PRRC2A: variants seen among roughly 807,000 people sequenced by gnomAD.
PRRC2A encodes the protein protein PRRC2A.
PRRC2A carries 59 observed loss-of-function variants against 224.6 expected under a neutral mutation model. That is an observed-to-expected ratio of 0.26 (90% CI 0.21 to 0.33). PRRC2A has a LOEUF of 0.33. Among genes scored for constraint, PRRC2A ranks in the 10% least tolerant of loss-of-function variants. The pLI is 1.00. For missense variants in PRRC2A, 3,095 were observed against 2,880.7 expected, an observed-to-expected ratio of 1.07 and a Z score of -1.70; for synonymous variants, 1,194 against 1,109.5, an observed-to-expected ratio of 1.08 and a Z score of -1.51.
In PRRC2A at chr6:31,631,700, T is replaced by G; in HGVS notation, c.3027T>G (p.Leu1009=). The change falls in exon 16 of 31, where the codon CTT becomes CTG. Residue 1009 remains leucine (L), a synonymous_variant. Coordinates refer to ENST00000376033, the MANE Select transcript of PRRC2A (RefSeq NM_004638.4). This position sits in a 1 kb window ranked among gnomAD's most constrained non-coding sequence, Gnocchi z 4.5. The part of the protein sequence containing the change: ...PNGNLSPAPR[L]RRDYSYERVG... ...GAAATCTTTCCCCTGCCCCAAGGCT[T>G]CGGAGGGACTATTCGTATGAAAGAG... 2 of 1,516,360 alleles carry G rather than the reference T, an allele frequency of 1.3e-6. No homozygotes were observed. Among genetic ancestry groups the G allele is most frequent in the African/African-American group, 1.4e-5 (1 of 71,706 alleles). 93.9% of individuals were successfully genotyped at this position (1,516,360 alleles called of 1,614,324 possible).
In PRRC2A at chr6:31,635,384, G is replaced by A; in HGVS notation, c.5302-10G>A. The A allele has an allele frequency of 1.2e-6, 2 of 1,614,232 alleles. No homozygotes were observed. Among genetic ancestry groups the A allele is most frequent in the Non-Finnish European group, 1.7e-6 (2 of 1,180,034 alleles). On this transcript the variant is annotated splice_polypyrimidine_tract_variant and intron_variant, in intron 22 of 30. Transcript: ENST00000376033. ...ACGGGACAATGTCTCCTGCCTTCTTGTGATCACAGGACTCAGACTTACGCC... is the reference window on the plus strand; with the variant it reads ...ACGGGACAATGTCTCCTGCCTTCTTATGATCACAGGACTCAGACTTACGCC...
At chr6:31,624,096 G>A (rs1775616805) in intron 3 of PRRC2A, among the ~76,000 whole-genome samples, 165 bp from the exon 4 acceptor site, 1 of 152,170 alleles carries the variant, frequency 6.6e-6, no homozygotes, top group Admixed American at 6.5e-5. Context: ...CTTGGAGAGA[G>A]AGCATGAAAA....
chr6:31,624,213 C>T, intron 3 of PRRC2A, 48 bp from the exon 4 acceptor site: 1 of 1,552,038 alleles, frequency 6.4e-7, no homozygotes, highest in Non-Finnish European at 8.9e-7. Flanking sequence ...TTGGAGAAGT[C>T]AGGGAGGCAT....
rs935581932 is a variant in PRRC2A at position 31,629,902 on chromosome 6, G to A, written c.2254+57G>A. 18 of 1,597,474 alleles carry A rather than the reference G, an allele frequency of 1.1e-5. No homozygotes were observed. In the Admixed American group the frequency reaches 3.2e-4, roughly 28 times the overall value. On this transcript the variant is annotated intron_variant, in intron 14 of 30. Coordinates refer to ENST00000376033, the MANE Select transcript of PRRC2A (RefSeq NM_004638.4). ...AAAGTCCCCTCAGTCTTAGGCATTG[G>A]ATATTAGGGTCTTACTGTGACTCTG...
At chr6:31,629,364 C>G in intron 13 of PRRC2A, 30 bp downstream of exon 13, 1 of 1,533,968 alleles carries the variant, frequency 6.5e-7, no homozygotes, top group Non-Finnish European at 8.8e-7. Flanking sequence ...CCTCTAAGGG[C>G]TGCTTTTCTT....
Position 31,634,572 on chromosome 6 carries a change from G to A in PRRC2A, c.4935+15G>A. 1.9e-6 allele frequency: 3 copies of A among 1,608,836 alleles called. No homozygotes were observed. The highest frequency in any genetic ancestry group is 2.5e-6 in the Non-Finnish European group (3 of 1,178,086). ...CTGGCACAGAAGTGAGTGAGGGTGG[G>A]AGGGTGTGTCTGAGCTGGGACTTTT... On this transcript the variant is annotated intron_variant, in intron 20 of 30. Transcript: ENST00000376033.
intron 14 of PRRC2A, 31 bp downstream of exon 14, chr6:31,629,876 G>GA (rs533692117): frequency 6.2e-7 from 1 of 1,610,416 alleles, no homozygotes; most frequent in South Asian, 1.1e-5. Context: ...TGAGAAACAG[G>GA]AAAGTCCCCT....
rs1776941216 is a variant in PRRC2A, at chr6:31,633,580, T to A, written c.4521T>A (p.Pro1507=). The A allele has an allele frequency of 6.2e-7, 1 of 1,612,834 alleles. No homozygotes were observed. Among genetic ancestry groups the A allele is most frequent in the Non-Finnish European group, 8.5e-7 (1 of 1,179,934 alleles). Residue 1507 remains proline (P), a synonymous_variant, in exon 17 of 31, where the codon CCT becomes CCA. Transcript: ENST00000376033. Reference sequence around the variant, plus strand: ...ACAAGCCTGGGCTTCCCCAAGCCCCTCAGGGCCCCTCTCCTAGGCCCCCAA... The same window carrying A: ...ACAAGCCTGGGCTTCCCCAAGCCCCACAGGGCCCCTCTCCTAGGCCCCCAA... The part of the protein sequence containing the change: ...PRHKPGLPQA[P]QGPSPRPPTR...
Position 31,636,261 on chromosome 6 carries a change from T to C in PRRC2A, c.5677T>C (p.Ser1893Pro), listed in dbSNP as rs913985272. Residue 1893 changes from serine (S) to proline (P), a missense_variant, in exon 26 of 31, where the codon TCT becomes CCT. Physicochemically the swap from Ser to Pro is moderately conservative, Grantham distance 74. This residue lies in a region of PRRC2A where 662 missense variants were observed against 609.5 expected (regional missense o/e 1.09). Transcript: ENST00000376033. The surrounding 1 kb of genome is among the most constrained non-coding windows in gnomAD (Gnocchi z 4.3). ...CCCAGCCCCTCCCTCAGCACTGCTC[T>C]CTGGGTTAGCTCTCAAGGGCCAGTT... ...PGPAPPSALL[S>P]GLALKGQFLD... The C allele has an allele frequency of 2.5e-6, 4 of 1,612,832 alleles. No individual in the cohort carries two copies. The Admixed American group carries it at 5.0e-5, about 20-fold the overall frequency.
chr6:31,635,340 T>C (rs951012761), intron 22 of PRRC2A, 54 bp from the exon 23 acceptor site: 2 of 1,613,762 alleles, frequency 1.2e-6, no homozygotes, highest in African/African-American at 2.7e-5. Context: ...AGGTGGGACA[T>C]AGAGGACACA....
rs1777358862 is a variant in PRRC2A, at chr6:31,636,458, T to G, written c.5835+39T>G. 1 of 1,610,474 alleles carries G rather than the reference T, an allele frequency of 6.2e-7. No individual in the cohort carries two copies. On this transcript the variant is annotated intron_variant, in intron 26 of 30. Coordinates refer to ENST00000376033, the MANE Select transcript of PRRC2A (RefSeq NM_004638.4). The surrounding 1 kb of genome is among the most constrained non-coding windows in gnomAD (Gnocchi z 4.3). ...AGGTATTAGATATTGGGGGATAGGGTAGGGAGAATGATTTTGTGGGGGTTG... is the reference window on the plus strand; with the variant it reads ...AGGTATTAGATATTGGGGGATAGGGGAGGGAGAATGATTTTGTGGGGGTTG...
chr6:31,627,675 C>A lies in PRRC2A; in HGVS notation c.1291-90C>A. ...CCAAAGCCTGGGTCGTTGCATCCTG[C>A]AAGTAGCGACAGTTGATTTGTTGTA... is the stretch of plus-strand genomic sequence containing the variant. On this transcript the variant is annotated intron_variant, in intron 11 of 30. Transcript: ENST00000376033. This position sits in a 1 kb window ranked among gnomAD's most constrained non-coding sequence, Gnocchi z 5.6. 6.7e-7 allele frequency: 1 copy of A among 1,489,308 alleles called. No homozygotes were observed. Among genetic ancestry groups the A allele is most frequent in the Non-Finnish European group, 9.0e-7 (1 of 1,110,184 alleles). The allele number at this position is 1,489,308 out of a possible 1,614,324, so 92.3% of individuals were successfully genotyped here.
At position 31,637,307 on chromosome 6, in the gene PRRC2A, G is replaced by A. The variant is rs115227324; in HGVS notation, c.6316G>A (p.Val2106Ile). Residue 2106 changes from valine to isoleucine, a missense_variant, in exon 30 of 31, where the codon GTC becomes ATC. Around this residue, in one of 8 missense-constraint regions of PRRC2A, gnomAD observed 662 missense variants for 609.5 expected, o/e 1.09. Transcript: ENST00000376033. Reference sequence around the variant, plus strand: ...CAGTGGAGTCTTCCGCACCCAGCGCGTCGACCTTTACCAGCAGGTGAAGGA... The same window carrying A: ...CAGTGGAGTCTTCCGCACCCAGCGCATCGACCTTTACCAGCAGGTGAAGGA... ...TYSGVFRTQR[V>I]DLYQQASPPD... The A allele has an allele frequency of 4.0e-5, 64 of 1,612,092 alleles. No individual in the cohort carries two copies. The highest frequency in any genetic ancestry group is 2.8e-4 in the African/African-American group (21 of 75,010).
chr6:31,631,348 A>G lies in PRRC2A; in HGVS notation c.2675A>G (p.Gln892Arg). Residue 892 changes from glutamine to arginine, a missense_variant, in exon 16 of 31, where the codon CAG (glutamine) becomes CGG (arginine). Transcript: ENST00000376033. This position sits in a 1 kb window ranked among gnomAD's most constrained non-coding sequence, Gnocchi z 4.5. The part of the protein sequence containing the change: ...KKEPPKEETA[Q>R]LTGPEAGRKP... ...GAGCCCCCTAAGGAGGAGACTGCAC[A>G]GCTGACGGGGCCAGAAGCAGGCCGA... 1.2e-6 allele frequency: 2 copies of G among 1,602,044 alleles called. No individual in the cohort carries two copies. Among genetic ancestry groups the G allele is most frequent in the Admixed American group, 1.8e-5 (1 of 56,900 alleles).
Position 31,628,026 on chromosome 6 carries a change from C to G in PRRC2A, c.1552C>G (p.Pro518Ala). Residue 518 changes from proline (P) to alanine (A), a missense_variant, in exon 12 of 31, where the codon CCA becomes GCA. Around this residue, in one of 8 missense-constraint regions of PRRC2A, gnomAD observed 2,001 missense variants for 1,764.9 expected, o/e 1.13. Coordinates refer to ENST00000376033, the MANE Select transcript of PRRC2A (RefSeq NM_004638.4). ...PAAPPAAPST[P>A]APPPAVPKEL... ...TGCCCCACCTGCTGCCCCTTCTACC[C>G]CAGCTCCACCACCTGCAGTCCCTAA... The G allele has an allele frequency of 1.2e-6, 2 of 1,612,712 alleles. No individual in the cohort carries two copies. The highest frequency in any genetic ancestry group is 4.5e-5 in the East Asian group (2 of 44,882).
Position 31,625,887 on chromosome 6 carries a change from C to A in PRRC2A, c.839+16C>A. ...ATGGGCCCAGGTGAGCAATCCAGGT[C>A]TGGGTTTGTGGCTGGGGGCAGGGGA... On this transcript the variant is annotated intron_variant, in intron 8 of 30. Transcript: ENST00000376033. This position sits in a 1 kb window ranked among gnomAD's most constrained non-coding sequence, Gnocchi z 4.1. 6.3e-7 allele frequency: 1 copy of A among 1,583,058 alleles called. No individual in the cohort carries two copies. Among genetic ancestry groups the A allele is most frequent in the South Asian group, 1.1e-5 (1 of 90,268 alleles).
In PRRC2A at chr6:31,625,930, G is replaced by T; in HGVS notation, c.839+59G>T. ...GCAGGGGAAGCTTATTGGGGGAGGA[G>T]ATGGTTTTCTAGCCAGGAGGCTCAG... On this transcript the variant is annotated intron_variant, in intron 8 of 30. Coordinates refer to ENST00000376033, the MANE Select transcript of PRRC2A (RefSeq NM_004638.4). This position sits in a 1 kb window ranked among gnomAD's most constrained non-coding sequence, Gnocchi z 4.1. 1 of 1,584,518 alleles carries T rather than the reference G, an allele frequency of 6.3e-7. No individual in the cohort carries two copies. The highest frequency in any genetic ancestry group is 2.2e-5 in the East Asian group (1 of 44,654).
rs752573392 is a variant in PRRC2A at position 31,636,166 on chromosome 6, C to T, written c.5625-43C>T. The T allele has an allele frequency of 1.9e-6, 3 of 1,584,078 alleles. No individual in the cohort carries two copies. The highest frequency in any genetic ancestry group is 3.3e-5 in the Admixed American group (2 of 59,932). ...TAGTGGACTTAAGGCATTGCTAGGA[C>T]TCTGGCTTCCTAACAGCTTTTCTCC... On this transcript the variant is annotated intron_variant, in intron 25 of 30. Coordinates refer to ENST00000376033, the MANE Select transcript of PRRC2A (RefSeq NM_004638.4). This position sits in a 1 kb window ranked among gnomAD's most constrained non-coding sequence, Gnocchi z 4.3.
rs755437116 is a variant in PRRC2A, at chr6:31,630,718, T to C, written c.2382T>C (p.Asp794=). The part of the protein sequence containing the change: ...PVDPKLAWVG[D]VFTATPAEPR... Reference sequence around the variant, plus strand: ...ATCCAAAGTTGGCCTGGGTAGGAGATGTCTTCACCGCCACACCCGCTGAAC... The same window carrying C: ...ATCCAAAGTTGGCCTGGGTAGGAGACGTCTTCACCGCCACACCCGCTGAAC... Residue 794 remains aspartate, a synonymous_variant, in exon 15 of 31, where the codon GAT becomes GAC. Coordinates refer to ENST00000376033, the MANE Select transcript of PRRC2A (RefSeq NM_004638.4). 4 of 1,614,054 alleles carry C rather than the reference T, an allele frequency of 2.5e-6. No individual in the cohort carries two copies. In the African/African-American group the frequency reaches 5.3e-5, roughly 22 times the overall value.
Sources: allele counts gnomAD v4.1 joint callset (sites outside exome capture counted in the v4.1 genomes callset), GRCh38; gene constraint gnomAD v4.1.1; regional missense constraint gnomAD v4.1.1; non-coding constraint Gnocchi (gnomAD v3.1); transcripts MANE v1.5; gene names NCBI Gene and HGNC (gene_info 2026-07-23, HGNC 2026-07-21).